PDGFC: variants seen among roughly 807,000 people sequenced by gnomAD.
PDGFC encodes platelet derived growth factor C.
A neutral mutation model predicts 35.5 loss-of-function variants in PDGFC; 12 were observed. The ratio of observed to expected loss-of-function variants is 0.34; its 90% CI spans 0.22 to 0.55. The LOEUF is 0.55. Ranked by LOEUF, PDGFC falls within the 20% of genes least tolerant of loss-of-function variation. The probability of loss-of-function intolerance (pLI) is 0.91; values close to 1 mark genes in which losing one functional copy is unlikely to be tolerated. For missense variants in PDGFC, 322 were observed against 412.4 expected, an observed-to-expected ratio of 0.78 and a Z score of 1.90; for synonymous variants, 159 against 148.8, an observed-to-expected ratio of 1.07 and a Z score of -0.50.
intron 5 of PDGFC, among the ~76,000 whole-genome samples, chr4:156,764,467 C>T (rs1730464324): frequency 6.6e-6 from 1 of 152,156 alleles, no homozygotes; most frequent in African/African-American, 2.4e-5. Flanking sequence ...GTAAGTGACA[C>T]AGCCTTTATT....
At chr4:156,779,290 A>C (rs1447588653) in intron 3 of PDGFC, 14 of 433,852 alleles carry the variant, frequency 3.2e-5, no homozygotes, top group Non-Finnish European at 6.0e-5. Context: ...GCCGGCAATG[A>C]AAAGCAAATG....
chr4:156,897,345 A>AGTGT lies in PDGFC; in HGVS notation c.119-46933_119-46930dup, dbSNP rs1444359699. On this transcript the variant is annotated intron_variant, in intron 1 of 5. Transcript: ENST00000502773. ...GAGAGAATATGAGAGAGTGTGTGAG[A>AGTGT]GTGTATGTGTGTGTGTGTGTGTGTG... 7.5e-4 allele frequency among the ~76,000 whole-genome samples: 65 copies of AGTGT among 86,488 alleles called. No homozygotes were observed. The East Asian group carries it at 7.6e-3, about 10-fold the overall frequency. 56.7% of individuals were successfully genotyped at this position (86,488 alleles called of 152,430 possible).
chr4:156,845,366 TAAGAA>T (rs968964218), intron 2 of PDGFC, among the ~76,000 whole-genome samples: 4 of 151,546 alleles, frequency 2.6e-5, no homozygotes, highest in African/African-American at 9.7e-5. Context: ...ATAATGAATG[TAAGAA>T]AATAAATTAA....
chr4:156,870,586 A>G (rs1033126417), intron 1 of PDGFC, among the ~76,000 whole-genome samples: 2 of 152,102 alleles, frequency 1.3e-5, no homozygotes, highest in Non-Finnish European at 2.9e-5. Context: ...TCTCCTCCTC[A>G]CTTATAAATA....
chr4:156,970,271 T>C (rs1732559499), intron 1 of PDGFC, among the ~76,000 whole-genome samples: 1 of 152,184 alleles, frequency 6.6e-6, no homozygotes, highest in Non-Finnish European at 1.5e-5. Flanking sequence ...AAATACACTT[T>C]TTAATTCCTC....
At chr4:156,782,350 C>T (rs760494868) in intron 3 of PDGFC, among the ~76,000 whole-genome samples, 1 of 152,092 alleles carries the variant, frequency 6.6e-6, no homozygotes, top group Non-Finnish European at 1.5e-5. Context: ...ATGCAAAATG[C>T]AGGATTTCAA....
chr4:156,897,149 T>A (rs1466274784), intron 1 of PDGFC, among the ~76,000 whole-genome samples: 1 of 152,182 alleles, frequency 6.6e-6, no homozygotes, highest in Non-Finnish European at 1.5e-5. Flanking sequence ...GCAGTAAGGT[T>A]AATTCTTCAG....
chr4:156,878,770 C>T (rs1337302528), intron 1 of PDGFC, among the ~76,000 whole-genome samples: 2 of 152,068 alleles, frequency 1.3e-5, no homozygotes, highest in South Asian at 2.1e-4. Flanking sequence ...TCTCTGCTTC[C>T]ATGTCCTCTG....
chr4:156,950,806 G>C (rs1055335102), intron 1 of PDGFC, among the ~76,000 whole-genome samples: 2 of 151,666 alleles, frequency 1.3e-5, no homozygotes, highest in South Asian at 4.2e-4. Context: ...ACAAATTTAT[G>C]AAATAAATAA....
At chr4:156,800,209 A>G (rs1350799782) in intron 3 of PDGFC, among the ~76,000 whole-genome samples, 4 of 152,146 alleles carry the variant, frequency 2.6e-5, no homozygotes, top group African/African-American at 9.6e-5. Context: ...ACTTATTTTA[A>G]TCTATGTTCA....
chr4:156,834,584 G>T (rs573992003), intron 2 of PDGFC, among the ~76,000 whole-genome samples: 1 of 152,140 alleles, frequency 6.6e-6, no homozygotes, highest in Non-Finnish European at 1.5e-5. Context: ...GTTAGTGCAT[G>T]GGGTTTCTGG....
chr4:156,896,388 T>C (rs1224830419), intron 1 of PDGFC, among the ~76,000 whole-genome samples: 1 of 152,156 alleles, frequency 6.6e-6, no homozygotes, highest in Non-Finnish European at 1.5e-5. Flanking sequence ...GTGTGTGGTA[T>C]CTTGACTTTA....
chr4:156,814,963 T>C lies in PDGFC; in HGVS notation c.315-3946A>G, dbSNP rs142215192. ...TTGATGCCATTTGGAAAATAATCCT[T>C]ATGAAAATTTCTGGATTTGCAGCGA... On this transcript the variant is annotated intron_variant, in intron 2 of 5. Transcript: ENST00000502773. Among the ~76,000 whole-genome samples the C allele has an allele frequency of 2.9e-3, 443 of 152,270 alleles. 3 individuals are homozygous for C. The highest frequency in any genetic ancestry group is 0.01 in the African/African-American group (433 of 41,564).
chr4:156,855,450 T>C (rs1729551173), intron 1 of PDGFC, among the ~76,000 whole-genome samples: 2 of 152,148 alleles, frequency 1.3e-5, no homozygotes, highest in South Asian at 4.1e-4. Context: ...TGAATCTTGG[T>C]TTAGTTTGGC....
chr4:156,787,812 C>T (rs2110869781), intron 3 of PDGFC, among the ~76,000 whole-genome samples: 1 of 152,080 alleles, frequency 6.6e-6, no homozygotes, highest in Middle Eastern at 3.4e-3. Flanking sequence ...AGGTAAGTAG[C>T]GTGAGGAAAG....
intron 1 of PDGFC, among the ~76,000 whole-genome samples, chr4:156,939,064 T>C (rs1002994857): frequency 5.9e-5 from 9 of 152,002 alleles, no homozygotes; most frequent in African/African-American, 2.2e-4. Flanking sequence ...GTATTGTCCA[T>C]GAATGCATCC....
At chr4:156,916,706 C>T (rs567837686) in intron 1 of PDGFC, among the ~76,000 whole-genome samples, 5 of 152,322 alleles carry the variant, frequency 3.3e-5, no homozygotes, top group African/African-American at 1.2e-4. Context: ...TCTCTGAACA[C>T]CTATACTGTC....
intron 1 of PDGFC, among the ~76,000 whole-genome samples, chr4:156,924,537 C>G: frequency 6.6e-6 from 1 of 152,116 alleles, no homozygotes; most frequent in Admixed American, 6.5e-5. Context: ...TTAGGGGTCA[C>G]AGAAGGTGTC....
chr4:156,927,358 GA>G (rs1009060612), intron 1 of PDGFC, among the ~76,000 whole-genome samples: 1 of 152,146 alleles, frequency 6.6e-6, no homozygotes, highest in African/African-American at 2.4e-5. Context: ...TAGTCAGCTT[GA>G]ATTCCTCCTC....
Sources: allele counts gnomAD v4.1 joint callset (sites outside exome capture counted in the v4.1 genomes callset), GRCh38; gene constraint gnomAD v4.1.1; transcripts MANE v1.5; gene names NCBI Gene and HGNC (gene_info 2026-07-23, HGNC 2026-07-21).